RBL1: variants seen among roughly 807,000 people sequenced by gnomAD.
RBL1 encodes retinoblastoma-like protein 1.
RBL1 carries 82 observed loss-of-function variants against 123.0 expected under a neutral mutation model. The ratio of observed to expected loss-of-function variants is 0.67; its 90% CI spans 0.56 to 0.80. The LOEUF (loss-of-function observed/expected upper bound fraction) is 0.80, where lower values mean the gene tolerates loss of function less well. RBL1 is among the 30% of genes least tolerant of loss of function. The probability of loss-of-function intolerance (pLI) is 0.00; values close to 1 mark genes in which losing one functional copy is unlikely to be tolerated. For synonymous variants in RBL1, 405 were observed against 441.3 expected (o/e 0.92, Z 1.03); for missense variants, 1,171 against 1,299.6 (o/e 0.90, Z 1.52).
chr20:37,095,327 C>T (rs1159837003), intron 1 of RBL1, among the ~76,000 whole-genome samples: 1 of 152,174 alleles, frequency 6.6e-6, no homozygotes, highest in Non-Finnish European at 1.5e-5. Context: ...TGTAGCTTAA[C>T]CCGTCTAGGG....
At chr20:37,059,999 C>T (rs549592399) in intron 9 of RBL1, among the ~76,000 whole-genome samples, 84 of 151,874 alleles carry the variant, frequency 5.5e-4, no homozygotes, top group African/African-American at 2.0e-3. Context: ...ATGGAGAAAC[C>T]CTGTCTCTAC....
chr20:37,017,452 G>A (rs931159904), intron 19 of RBL1, among the ~76,000 whole-genome samples: 6 of 151,910 alleles, frequency 3.9e-5, no homozygotes, highest in African/African-American at 9.7e-5. Flanking sequence ...CAAGGGAAAG[G>A]AGGTAGGCAG....
chr20:37,075,542 A>T (rs1165546430), intron 2 of RBL1, among the ~76,000 whole-genome samples: 1 of 151,818 alleles, frequency 6.6e-6, no homozygotes, highest in African/African-American at 2.4e-5. Context: ...TGCAACCTCC[A>T]CCTCCTGGGT....
chr20:37,073,198 C>A (rs999896593), intron 2 of RBL1, among the ~76,000 whole-genome samples: 1 of 152,066 alleles, frequency 6.6e-6, no homozygotes, highest in African/African-American at 2.4e-5. Flanking sequence ...TAAACAAGAG[C>A]CTTGACTACA....
chr20:37,043,960 T>C lies in RBL1; in HGVS notation c.1770+126A>G, dbSNP rs1337346435. 4 of 676,400 alleles carry C rather than the reference T, an allele frequency of 5.9e-6. No individual in the cohort carries two copies. In the East Asian group the frequency reaches 9.2e-5, roughly 15 times the overall value. 41.9% of individuals were successfully genotyped at this position (676,400 alleles called of 1,614,324 possible). On this transcript the variant is annotated intron_variant, in intron 13 of 21. Transcript: ENST00000373664. ...TTATGGCTGCACATATCTATTTATATACTAAAACCACTGAATTGTACACTT... is the reference window on the plus strand; with the variant it reads ...TTATGGCTGCACATATCTATTTATACACTAAAACCACTGAATTGTACACTT...
intron 17 of RBL1, 49 bp from the exon 18 acceptor site, chr20:37,020,779 T>G: frequency 3.1e-6 from 4 of 1,296,358 alleles, no homozygotes; most frequent in Non-Finnish European, 4.3e-6. Context: ...GAAAGAAAAA[T>G]GGCTCTGAAC....
chr20:37,032,575 GA>G (rs144265208), intron 16 of RBL1, 89 bp downstream of exon 16: 1,219 of 1,340,224 alleles, frequency 9.1e-4, no homozygotes, highest in South Asian at 2.4e-3. Flanking sequence ...ATGTATATTA[GA>G]AAAAAAAAAG....
At chr20:37,085,691 T>C (rs1223708799) in intron 2 of RBL1, among the ~76,000 whole-genome samples, 6 of 144,434 alleles carry the variant, frequency 4.2e-5, no homozygotes, top group African/African-American at 1.6e-4. Flanking sequence ...TCTCACTGTG[T>C]CACCTAGGCT....
chr20:37,035,390 G>C lies in RBL1; in HGVS notation c.2022C>G (p.Ile674Met). Residue 674 changes from isoleucine to methionine, a missense_variant, in exon 15 of 22, where the codon ATC (isoleucine) becomes ATG (methionine). Transcript: ENST00000373664. The stretch of plus-strand genomic sequence containing the variant: ...TTTTCAATTTTGTTCCTTCTGTTAT[G>C]ATCTTGTCCATAAGCATTTCCTTTG... ...DPPKEMLMDK[I>M]ITEGTKLKIA... 1.2e-6 allele frequency: 2 copies of C among 1,614,098 alleles called. No homozygotes were observed. The highest frequency in any genetic ancestry group is 1.7e-6 in the Non-Finnish European group (2 of 1,180,002).
In RBL1 at chr20:36,998,023, T is replaced by A. The variant is rs75998916; in HGVS notation, c.*736A>T. On this transcript the variant is annotated 3_prime_UTR_variant, in exon 22 of 22. Transcript: ENST00000373664. Reference sequence around the variant, plus strand: ...TATATAACCCTCTGGCCAGGTACTATGGGAACCAACCCCTTCCTTCAATAT... The same window carrying A: ...TATATAACCCTCTGGCCAGGTACTAAGGGAACCAACCCCTTCCTTCAATAT... The A allele has an allele frequency of 5.3e-5, 8 of 152,122 alleles. No homozygotes were observed. Among genetic ancestry groups the A allele is most frequent in the African/African-American group, 1.9e-4 (8 of 41,424 alleles). The allele number at this position is 152,122 out of a possible 1,614,324, so 9.4% of individuals were successfully genotyped here.
intron 21 of RBL1, among the ~76,000 whole-genome samples, chr20:37,002,997 T>TA (rs756345233): frequency 2.4e-3 from 368 of 152,334 alleles, no homozygotes; most frequent in Non-Finnish European, 3.8e-3. Context: ...GTGCTAGGAT[T>TA]ACAGGCTTGA....
chr20:37,006,745 CAGG>C (rs2064079107), intron 20 of RBL1, among the ~76,000 whole-genome samples: 1 of 145,200 alleles, frequency 6.9e-6, no homozygotes, highest in South Asian at 2.2e-4. Flanking sequence ...GAGGCTGAGG[CAGG>C]AGAATCACTT....
At position 37,031,221 on chromosome 20, in the gene RBL1, T is replaced by C. The variant is rs8118250; in HGVS notation, c.2382+1444A>G. On this transcript the variant is annotated intron_variant, in intron 16 of 21. Coordinates refer to ENST00000373664, the MANE Select transcript of RBL1 (RefSeq NM_002895.5). ...ACTTTATTAAGATTAAAAACTTTCATGTGTCAAGAACACTATCAACGGAAT... is the reference window on the plus strand; with the variant it reads ...ACTTTATTAAGATTAAAAACTTTCACGTGTCAAGAACACTATCAACGGAAT... Among the ~76,000 whole-genome samples the C allele has an allele frequency of 2.8e-3, 420 of 152,258 alleles. 1 individual carries two copies. The highest frequency in any genetic ancestry group is 9.4e-3 in the African/African-American group (391 of 41,562).
intron 2 of RBL1, chr20:37,082,104 C>T (rs2065461861): frequency 2.3e-6 from 1 of 443,136 alleles, no homozygotes; most frequent in South Asian, 1.6e-5. Context: ...TAAGGTTTCT[C>T]CCTCACTAAG....
chr20:37,093,530 T>C (rs1695819767), intron 1 of RBL1, among the ~76,000 whole-genome samples: 1 of 152,118 alleles, frequency 6.6e-6, no homozygotes, highest in African/African-American at 2.4e-5. Context: ...TCCCAGCTAC[T>C]GGGGAGGCTG....
intron 2 of RBL1, among the ~76,000 whole-genome samples, chr20:37,071,890 G>A (rs1384697049): frequency 6.6e-6 from 1 of 152,124 alleles, no homozygotes; most frequent in Non-Finnish European, 1.5e-5. Context: ...AACTTCCTGA[G>A]GCCCTCACCA....
intron 19 of RBL1, among the ~76,000 whole-genome samples, chr20:37,012,718 C>A (rs1352635000): frequency 1.3e-5 from 2 of 149,732 alleles, no homozygotes; most frequent in East Asian, 4.0e-4. Flanking sequence ...CCAGGCCAGC[C>A]GCCCCGTCCG....
At chr20:37,016,943 G>A (rs942699068) in intron 19 of RBL1, among the ~76,000 whole-genome samples, 2 of 116,164 alleles carry the variant, frequency 1.7e-5, no homozygotes, top group African/African-American at 6.8e-5. Flanking sequence ...GGGAGAGGAG[G>A]GGGATGGGGA....
intron 20 of RBL1, 73 bp downstream of exon 20, chr20:37,007,338 T>C: frequency 6.7e-7 from 1 of 1,498,812 alleles, no homozygotes; most frequent in South Asian, 1.2e-5. Context: ...GACATATTTA[T>C]CTAGCAAAAT....
Sources: gnomAD v4.1 joint callset for allele counts (sites outside exome capture counted in the v4.1 genomes callset) on GRCh38, gnomAD v4.1.1 for gene constraint, MANE v1.5 for transcripts, NCBI Gene and HGNC (gene_info 2026-07-23, HGNC 2026-07-21) for gene names.